The following GLIS3 variants were observed in gnomAD, a reference collection of about 807,000 sequenced individuals.
The protein encoded by GLIS3 is GLIS family zinc finger 3.
In GLIS3, 53 loss-of-function variants were observed where a neutral mutation model predicts 78.6. The observed-to-expected ratio is 0.67, with a 90% CI of 0.54 to 0.85. The LOEUF (loss-of-function observed/expected upper bound fraction) is 0.85, where lower values mean the gene tolerates loss of function less well. Ranked by LOEUF, GLIS3 falls within the 40% of genes least tolerant of loss-of-function variation. GLIS3 has a pLI of 0.00. For missense variants in GLIS3, 1,703 were observed against 1,231.1 expected, an observed-to-expected ratio of 1.38 and a Z score of -5.74; for synonymous variants, 684 against 509.9, an observed-to-expected ratio of 1.34 and a Z score of -4.60.
intron 4 of GLIS3, among the ~76,000 whole-genome samples, chr9:3,970,153 T>C (rs1818274526): frequency 6.6e-6 from 1 of 152,218 alleles, no homozygotes; most frequent in Non-Finnish European, 1.5e-5. Context: ...TCAGAGCTGG[T>C]ACACACATAT....
At chr9:4,221,191 T>C (rs537594618) in intron 2 of GLIS3, among the ~76,000 whole-genome samples, 1 of 152,238 alleles carries the variant, frequency 6.6e-6, no homozygotes, top group South Asian at 2.1e-4. Flanking sequence ...AGGTAAAAAC[T>C]CTTGTCATTT....
intron 6 of GLIS3, chr9:3,899,076 A>G (rs569593952): frequency 1.1e-5 from 6 of 558,590 alleles, no homozygotes; most frequent in African/African-American, 1.9e-5. Context: ...TCAGTCCTTG[A>G]TATTTCCACT....
chr9:3,931,743 A>T (rs1013071486), intron 6 of GLIS3, among the ~76,000 whole-genome samples: 2 of 152,180 alleles, frequency 1.3e-5, no homozygotes, highest in Non-Finnish European at 2.9e-5. Context: ...TTTCTTCCAA[A>T]TCTAAGATAT....
At chr9:4,298,068 C>T (rs911311317) in intron 1 of GLIS3, among the ~76,000 whole-genome samples, 10 of 152,120 alleles carry the variant, frequency 6.6e-5, no homozygotes, top group Non-Finnish European at 1.3e-4. Context: ...GCGAACGCAG[C>T]GCAACAAAAC....
chr9:4,056,253 A>C (rs1826149358), intron 4 of GLIS3, among the ~76,000 whole-genome samples: 1 of 152,234 alleles, frequency 6.6e-6, no homozygotes, highest in Admixed American at 6.5e-5. Flanking sequence ...ACATTTAAGG[A>C]CCAACCTTGA....
the GLIS3 span, among the ~76,000 whole-genome samples, chr9:4,465,411 T>C: frequency 6.6e-6 from 1 of 152,122 alleles, no homozygotes; most frequent in African/African-American, 2.4e-5. Flanking sequence ...TAGCCATGCA[T>C]GGTGACACGC....
chr9:3,942,312 C>A (rs1252766263), intron 4 of GLIS3, among the ~76,000 whole-genome samples: 1 of 152,082 alleles, frequency 6.6e-6, no homozygotes, highest in Non-Finnish European at 1.5e-5. Flanking sequence ...TCAATTAAGA[C>A]CAATTAATCC....
intron 2 of GLIS3, among the ~76,000 whole-genome samples, chr9:4,221,023 G>C (rs1458577030): frequency 6.6e-6 from 1 of 152,066 alleles, no homozygotes; most frequent in Non-Finnish European, 1.5e-5. Context: ...CTCTGGGTTG[G>C]ATCTTAGTGC....
rs1239541591 is a variant in GLIS3 at position 4,275,408 on chromosome 9, A to G, written c.388+10630T>C. Among the ~76,000 whole-genome samples, 5 of 152,210 alleles carry G rather than the reference A, an allele frequency of 3.3e-5. No homozygotes were observed. The East Asian group carries it at 9.6e-4, about 29-fold the overall frequency. ...AGGAGAAAGATTTCTCTGAACTCCT[A>G]TAGCAAAAGATCTAAGACCGTGGGG... On this transcript the variant is annotated intron_variant, in intron 2 of 10. Transcript: ENST00000381971.
At chr9:4,363,521 T>C in the GLIS3 span, among the ~76,000 whole-genome samples, 6 of 152,208 alleles carry the variant, frequency 3.9e-5, no homozygotes, top group Non-Finnish European at 7.3e-5. Flanking sequence ...GCAATTAAAC[T>C]TCAAACATAT....
intron 2 of GLIS3, among the ~76,000 whole-genome samples, chr9:4,198,252 A>C (rs1026746847): frequency 6.6e-6 from 1 of 152,222 alleles, no homozygotes; most frequent in East Asian, 1.9e-4. Context: ...CAACACAAAG[A>C]AACTTTGTAA....
intron 9 of GLIS3, among the ~76,000 whole-genome samples, chr9:3,839,682 G>C (rs901387828): frequency 6.6e-6 from 1 of 151,922 alleles, no homozygotes; most frequent in East Asian, 1.9e-4. Flanking sequence ...ATCTATTCAA[G>C]GACATAGTTC....
chr9:3,977,846 G>A lies in GLIS3; in HGVS notation c.1711-40657C>T, dbSNP rs927846659. On this transcript the variant is annotated intron_variant, in intron 4 of 10. Coordinates refer to ENST00000381971, the MANE Select transcript of GLIS3 (RefSeq NM_001042413.2). The surrounding 1 kb of genome is among the most constrained non-coding windows in gnomAD (Gnocchi z 4.1). ...GCAGTCATCACCATTTCTACAGCAG[G>A]CTGTTGCATCCAGCTGGTGAGGAGG... Among the ~76,000 whole-genome samples the A allele has an allele frequency of 1.3e-5, 2 of 152,180 alleles. No homozygotes were observed. The highest frequency in any genetic ancestry group is 1.3e-4 in the Admixed American group (2 of 15,276).
At chr9:4,054,166 T>C (rs1306879911) in intron 4 of GLIS3, 2 of 197,358 alleles carry the variant, frequency 1.0e-5, no homozygotes, top group Non-Finnish European at 1.8e-5. Context: ...CCACCCAAAG[T>C]CACAGGACTC....
chr9:3,835,087 A>C (rs1049379094), intron 9 of GLIS3, among the ~76,000 whole-genome samples: 1 of 152,202 alleles, frequency 6.6e-6, no homozygotes, highest in Non-Finnish European at 1.5e-5. Flanking sequence ...ACACTTCGTC[A>C]AAGGGATAAG....
intron 4 of GLIS3, among the ~76,000 whole-genome samples, chr9:4,042,046 C>T (rs1283567289): frequency 6.6e-6 from 1 of 152,206 alleles, no homozygotes; most frequent in Non-Finnish European, 1.5e-5. Flanking sequence ...GAGAGCAACT[C>T]TCAAGCTACA....
chr9:4,407,827 A>C, the GLIS3 span, among the ~76,000 whole-genome samples: 2 of 152,220 alleles, frequency 1.3e-5, no homozygotes, highest in African/African-American at 4.8e-5. Context: ...GTGAAGAGGC[A>C]ACCCGCAGAA....
chr9:4,274,943 T>C (rs1384246170), intron 2 of GLIS3, among the ~76,000 whole-genome samples: 1 of 152,248 alleles, frequency 6.6e-6, no homozygotes, highest in Non-Finnish European at 1.5e-5. Context: ...GTAATGTGTT[T>C]ATTATGTCAG....
intron 4 of GLIS3, among the ~76,000 whole-genome samples, chr9:4,021,658 G>C (rs947782865): frequency 6.6e-6 from 1 of 152,150 alleles, no homozygotes; most frequent in African/African-American, 2.4e-5. Flanking sequence ...GCACTTAACA[G>C]AATGAGGTTA....
Sources: gnomAD v4.1 joint callset for allele counts (sites outside exome capture counted in the v4.1 genomes callset) on GRCh38, gnomAD v4.1.1 for gene constraint, Gnocchi (gnomAD v3.1) non-coding constraint, MANE v1.5 for transcripts, NCBI Gene and HGNC (gene_info 2026-07-23, HGNC 2026-07-21) for gene names.